CTNNA3: variants seen among roughly 807,000 people sequenced by gnomAD.
The protein encoded by CTNNA3 is catenin alpha-3.
CTNNA3 carries 76 observed loss-of-function variants against 95.7 expected under a neutral mutation model. The observed-to-expected ratio is 0.79, with a 90% confidence interval of 0.66 to 0.96. The LOEUF (loss-of-function observed/expected upper bound fraction) is 0.96, where lower values mean the gene tolerates loss of function less well. CTNNA3 is among the 40% of genes least tolerant of loss of function. CTNNA3 has a pLI of 0.00. For synonymous variants in CTNNA3, 431 were observed against 374.4 expected, an observed-to-expected ratio of 1.15 and a Z score of -1.74; for missense variants, 1,191 against 1,089.8, an observed-to-expected ratio of 1.09 and a Z score of -1.31.
At chr10:67,034,052 G>T (rs892038814) in intron 7 of CTNNA3, among the ~76,000 whole-genome samples, 3 of 152,182 alleles carry the variant, frequency 2.0e-5, no homozygotes, top group Non-Finnish European at 4.4e-5. Context: ...GACTACAGGC[G>T]TGAGCCACCG....
At chr10:66,592,123 A>G (rs991591018) in intron 10 of CTNNA3, among the ~76,000 whole-genome samples, 2 of 151,844 alleles carry the variant, frequency 1.3e-5, no homozygotes, top group African/African-American at 4.8e-5. Flanking sequence ...ATGGTGACTC[A>G]TGACTCAACC....
chr10:66,460,435 G>A (rs755078760), intron 11 of CTNNA3, among the ~76,000 whole-genome samples: 1 of 152,138 alleles, frequency 6.6e-6, no homozygotes, highest in African/African-American at 2.4e-5. Flanking sequence ...TGTAAGTTGC[G>A]ATGGGTGGAC....
intron 5 of CTNNA3, among the ~76,000 whole-genome samples, chr10:67,503,837 T>C (rs1431059934): frequency 6.6e-6 from 1 of 152,100 alleles, no homozygotes; most frequent in Non-Finnish European, 1.5e-5. Flanking sequence ...GAGTAAGAAA[T>C]AAACTTTTCC....
intron 1 of CTNNA3, among the ~76,000 whole-genome samples, chr10:67,734,406 G>T: frequency 6.6e-6 from 1 of 152,056 alleles, no homozygotes; most frequent in East Asian, 1.9e-4. Flanking sequence ...ACCAGGCAAG[G>T]CTCCAGTAGG....
intron 6 of CTNNA3, among the ~76,000 whole-genome samples, chr10:67,199,198 C>T (rs539687356): frequency 6.6e-6 from 1 of 152,216 alleles, no homozygotes; most frequent in South Asian, 2.1e-4. Context: ...GTCATTCACA[C>T]TGCAAGTAAT....
intron 6 of CTNNA3, among the ~76,000 whole-genome samples, chr10:67,201,400 T>C (rs1863638823): frequency 6.6e-6 from 1 of 152,186 alleles, no homozygotes; most frequent in African/African-American, 2.4e-5. Flanking sequence ...TTGATTGGCT[T>C]ATAGTAGGCT....
Position 67,133,366 on chromosome 10 carries a change from C to CATACATACATAT in CTNNA3, c.1047+46950_1047+46951insATATGTATGTAT, listed in dbSNP as rs145480361. On this transcript the variant is annotated intron_variant, in intron 7 of 17. Coordinates refer to ENST00000433211, the MANE Select transcript of CTNNA3 (RefSeq NM_013266.4). The stretch of plus-strand genomic sequence containing the variant: ...ACAATGGTAGATACATACATACATA[C>CATACATACATAT]ATATATATATATACACACACACACA... Among the ~76,000 whole-genome samples the CATACATACATAT allele has an allele frequency of 7.2e-4, 90 of 124,582 alleles. 4 individuals are homozygous for CATACATACATAT. The highest frequency in any genetic ancestry group is 3.5e-3 in the South Asian group (13 of 3,668). 81.7% of individuals were successfully genotyped at this position (124,582 alleles called of 152,430 possible). A position where few individuals can be genotyped will look rare whatever the true frequency, so the allele number is the denominator to read the frequency against.
At chr10:67,542,687 A>G (rs911196149) in intron 3 of CTNNA3, among the ~76,000 whole-genome samples, 1 of 152,080 alleles carries the variant, frequency 6.6e-6, no homozygotes, top group African/African-American at 2.4e-5. Flanking sequence ...AAGTACTAAG[A>G]GACACAGAGG....
chr10:66,909,892 T>C (rs1384356096), intron 7 of CTNNA3, among the ~76,000 whole-genome samples: 4 of 152,144 alleles, frequency 2.6e-5, no homozygotes, highest in African/African-American at 4.8e-5. Context: ...ACACATATAT[T>C]GAGTATCCAT....
intron 4 of CTNNA3, among the ~76,000 whole-genome samples, chr10:67,539,264 T>C (rs1840584374): frequency 6.6e-6 from 1 of 152,208 alleles, no homozygotes; most frequent in African/African-American, 2.4e-5. Flanking sequence ...GAACTTTTCC[T>C]AGCCATTTCC....
In CTNNA3 at chr10:66,120,615, T is replaced by C. The variant is rs1319256564; in HGVS notation, c.1885-17366A>G. On this transcript the variant is annotated intron_variant, in intron 13 of 17. Coordinates refer to ENST00000433211, the MANE Select transcript of CTNNA3 (RefSeq NM_013266.4). Reference sequence around the variant, plus strand: ...TTTAAAGCATTATGATTATAAATAATATGATTATAAATTGGAGAACAGCTG... The same window carrying C: ...TTTAAAGCATTATGATTATAAATAACATGATTATAAATTGGAGAACAGCTG... Among the ~76,000 whole-genome samples the C allele has an allele frequency of 2.6e-5, 4 of 152,154 alleles. No individual in the cohort carries two copies. In the East Asian group the frequency reaches 7.7e-4, roughly 29 times the overall value.
At chr10:67,512,877 CG>C (rs990469445) in intron 5 of CTNNA3, among the ~76,000 whole-genome samples, 1 of 151,892 alleles carries the variant, frequency 6.6e-6, no homozygotes, top group African/African-American at 2.4e-5. Context: ...CCCAGCTACT[CG>C]GGAAGCGGAG....
At chr10:66,444,846 G>A (rs2093406378) in intron 11 of CTNNA3, among the ~76,000 whole-genome samples, 1 of 152,064 alleles carries the variant, frequency 6.6e-6, no homozygotes, top group Admixed American at 6.6e-5. Flanking sequence ...ATGTAAATGG[G>A]CTAAATGCTC....
chr10:66,112,800 TCTC>T (rs141898193), intron 13 of CTNNA3, among the ~76,000 whole-genome samples: 13,319 of 152,184 alleles, frequency 0.088, 745 homozygotes, highest in Non-Finnish European at 0.12. Flanking sequence ...ATATGACTGA[TCTC>T]CTTTTTTTTT....
At chr10:66,894,297 G>A (rs1465217348) in intron 7 of CTNNA3, among the ~76,000 whole-genome samples, 1 of 152,014 alleles carries the variant, frequency 6.6e-6, no homozygotes, top group Non-Finnish European at 1.5e-5. Context: ...AACAATACCG[G>A]AAACCATATT....
chr10:66,854,776 A>G (rs1843627044), intron 7 of CTNNA3, among the ~76,000 whole-genome samples: 3 of 151,118 alleles, frequency 2.0e-5, no homozygotes, highest in Non-Finnish European at 4.4e-5. Context: ...TTGGATGTGT[A>G]AAGTGGAGCA....
intron 5 of CTNNA3, among the ~76,000 whole-genome samples, chr10:67,425,643 C>T (rs991228472): frequency 2.0e-5 from 3 of 151,900 alleles, no homozygotes; most frequent in East Asian, 1.9e-4. Flanking sequence ...TGCCTCAGCC[C>T]GCCATCTGAA....
At chr10:66,616,863 G>A (rs1844533971) in intron 10 of CTNNA3, among the ~76,000 whole-genome samples, 1 of 151,890 alleles carries the variant, frequency 6.6e-6, no homozygotes, top group Admixed American at 6.6e-5. Context: ...ATCAGTTACA[G>A]CTCAAAGTAA....
rs200670718 is a variant in CTNNA3 at position 66,500,649 on chromosome 10, CA to C, written c.1531+19967del. 0.013 allele frequency among the ~76,000 whole-genome samples: 1,962 copies of C among 152,070 alleles called. 164 individuals are homozygous for C. In the East Asian group the frequency reaches 0.23, roughly 18 times the overall value. ...TATCAAGACAGTGAATGCATATTTG[CA>C]AGTAAATATTAAATCATGGCATGGG... On this transcript the variant is annotated intron_variant, in intron 11 of 17. Coordinates refer to ENST00000433211, the MANE Select transcript of CTNNA3 (RefSeq NM_013266.4).
Sources: allele counts gnomAD v4.1 joint callset (sites outside exome capture counted in the v4.1 genomes callset), GRCh38; gene constraint gnomAD v4.1.1; transcripts MANE v1.5; gene names NCBI Gene and HGNC (gene_info 2026-07-23, HGNC 2026-07-21).